The following VPS8 variants were observed in gnomAD, a reference collection of about 807,000 sequenced individuals.
VPS8 encodes vacuolar protein sorting-associated protein 8 homolog.
A neutral mutation model predicts 216.4 loss-of-function variants in VPS8; 129 were observed. That is an observed-to-expected ratio of 0.60 (90% CI 0.52 to 0.69). The LOEUF (loss-of-function observed/expected upper bound fraction) is 0.69. VPS8 is among the 30% of genes least tolerant of loss of function. The pLI, the probability that VPS8 is intolerant of heterozygous loss-of-function variation, is 0.00. For missense variants in VPS8, 1,531 were observed against 1,683.5 expected, an observed-to-expected ratio of 0.91 and a Z score of 1.59; for synonymous variants, 571 against 565.4, an observed-to-expected ratio of 1.01 and a Z score of -0.14.
chr3:184,875,571 C>G (rs1458867694), intron 21 of VPS8, among the ~76,000 whole-genome samples: 1 of 152,018 alleles, frequency 6.6e-6, no homozygotes, highest in East Asian at 1.9e-4. Context: ...TATATATGTT[C>G]AAGTGTTTCC....
At chr3:184,867,831 G>A (rs1265987724) in intron 17 of VPS8, among the ~76,000 whole-genome samples, 193 bp from the exon 18 acceptor site, 2 of 152,132 alleles carry the variant, frequency 1.3e-5, no homozygotes, top group Non-Finnish European at 2.9e-5. Flanking sequence ...GGGCAACAGA[G>A]CGAGACTCTG....
intron 22 of VPS8, among the ~76,000 whole-genome samples, chr3:184,888,251 G>A (rs1345973342): frequency 6.6e-6 from 1 of 152,162 alleles, no homozygotes; most frequent in Non-Finnish European, 1.5e-5. Flanking sequence ...GCCTCTCAGA[G>A]TGCTGGGATT....
intron 40 of VPS8, among the ~76,000 whole-genome samples, chr3:184,976,349 T>G (rs976249716): frequency 6.6e-6 from 1 of 152,142 alleles, no homozygotes; most frequent in African/African-American, 2.4e-5. Flanking sequence ...ATTTTTATTT[T>G]TATTCATCTT....
chr3:184,904,562 T>C (rs565786564), intron 25 of VPS8, among the ~76,000 whole-genome samples: 1 of 152,370 alleles, frequency 6.6e-6, no homozygotes, highest in Admixed American at 6.5e-5. Flanking sequence ...ATATAATCTT[T>C]TAAATATGTT....
At chr3:184,864,817 T>G (rs909189430) in intron 16 of VPS8, among the ~76,000 whole-genome samples, 4 of 151,998 alleles carry the variant, frequency 2.6e-5, no homozygotes, top group African/African-American at 9.7e-5. Flanking sequence ...CCCATCCAAT[T>G]AGAGATTACT....
chr3:184,838,636 G>T (rs1229191109), intron 5 of VPS8, 78 bp from the exon 6 acceptor site: 1 of 1,203,660 alleles, frequency 8.3e-7, no homozygotes, highest in East Asian at 2.7e-5. Context: ...GCAAGTATAT[G>T]TAAAGCAAGA....
At chr3:184,985,166 T>A (rs1453046164) in intron 42 of VPS8, among the ~76,000 whole-genome samples, 1 of 152,288 alleles carries the variant, frequency 6.6e-6, no homozygotes, top group East Asian at 1.9e-4. Flanking sequence ...ATCATTTCAT[T>A]TGAAGCCCAC....
chr3:184,826,779 A>T (rs1718880180), intron 3 of VPS8, among the ~76,000 whole-genome samples: 2 of 152,364 alleles, frequency 1.3e-5, no homozygotes, highest in South Asian at 4.1e-4. Flanking sequence ...AATAAGCTTC[A>T]TCACTCTTCT....
At chr3:185,040,301 C>A (rs542099432) in intron 46 of VPS8, among the ~76,000 whole-genome samples, 1 of 152,332 alleles carries the variant, frequency 6.6e-6, no homozygotes, top group African/African-American at 2.4e-5. Context: ...AAGCAGTGTT[C>A]TGCCTCTGCT....
intron 25 of VPS8, among the ~76,000 whole-genome samples, chr3:184,907,104 A>T (rs1312392718): frequency 6.6e-6 from 1 of 152,218 alleles, no homozygotes; most frequent in Non-Finnish European, 1.5e-5. Context: ...TTTTAGGAAG[A>T]CATGAGACAT....
chr3:185,015,460 C>T (rs542092332), intron 45 of VPS8, among the ~76,000 whole-genome samples: 1 of 152,324 alleles, frequency 6.6e-6, no homozygotes, highest in East Asian at 1.9e-4. Context: ...ATATCAAAAG[C>T]AGTCAATACC....
intron 3 of VPS8, 109 bp downstream of exon 3, chr3:184,826,340 C>A: frequency 1.5e-6 from 1 of 671,760 alleles, no homozygotes. Flanking sequence ...AGTAGGGTAG[C>A]CACTAGTCGT....
chr3:184,963,163 A>G (rs1010030487), intron 37 of VPS8, among the ~76,000 whole-genome samples: 4 of 152,120 alleles, frequency 2.6e-5, no homozygotes, highest in Non-Finnish European at 4.4e-5. Flanking sequence ...AGTGTCCTAC[A>G]TCTCCTAGTA....
chr3:184,854,097 A>T lies in VPS8; in HGVS notation c.976-17A>T. The T allele has an allele frequency of 1.2e-6, 2 of 1,613,608 alleles. No homozygotes were observed. Among genetic ancestry groups the T allele is most frequent in the Non-Finnish European group, 1.7e-6 (2 of 1,179,658 alleles). On this transcript the variant is annotated splice_polypyrimidine_tract_variant and intron_variant, in intron 12 of 47. Transcript: ENST00000625842. The stretch of plus-strand genomic sequence containing the variant: ...AAATTCCAAGGTCAATATTGAAAAC[A>T]TATTTTTCTCTTACAGATACTGGTC...
At chr3:184,926,245 C>T (rs1262886499) in intron 30 of VPS8, among the ~76,000 whole-genome samples, 3 of 151,708 alleles carry the variant, frequency 2.0e-5, no homozygotes, top group African/African-American at 4.8e-5. Flanking sequence ...GGCGTGGTGG[C>T]GGGCACCTGT....
At chr3:184,923,140 T>A (rs546554613) in intron 29 of VPS8, among the ~76,000 whole-genome samples, 1 of 146,614 alleles carries the variant, frequency 6.8e-6, no homozygotes, top group Admixed American at 6.8e-5. Flanking sequence ...TGGTACTTTA[T>A]CTTTGAATGG....
chr3:184,960,348 GA>G (rs923970273), intron 37 of VPS8, among the ~76,000 whole-genome samples: 5 of 151,920 alleles, frequency 3.3e-5, no homozygotes, highest in Admixed American at 6.6e-5. Flanking sequence ...GGAGATTTCA[GA>G]AAAAAAGCGT....
chr3:184,872,760 T>G (rs1233304971), intron 21 of VPS8, among the ~76,000 whole-genome samples: 4 of 152,066 alleles, frequency 2.6e-5, no homozygotes, highest in Non-Finnish European at 5.9e-5. Flanking sequence ...GCATGAGTCC[T>G]CTATTTCAGA....
intron 37 of VPS8, among the ~76,000 whole-genome samples, chr3:184,961,574 C>G (rs1339420364): frequency 6.6e-6 from 1 of 152,064 alleles, no homozygotes; most frequent in Non-Finnish European, 1.5e-5. Flanking sequence ...CCCCTGAGGT[C>G]TCCACCATCC....
Sources: allele counts gnomAD v4.1 joint callset (sites outside exome capture counted in the v4.1 genomes callset), GRCh38; gene constraint gnomAD v4.1.1; transcripts MANE v1.5; gene names NCBI Gene and HGNC (gene_info 2026-07-23, HGNC 2026-07-21).